Variants in CKAP5 observed in about 807,000 individuals in gnomAD.
The protein encoded by CKAP5 is cytoskeleton-associated protein 5.
Under a neutral mutation model 232.8 loss-of-function variants are expected in CKAP5, and 27 were observed. The ratio of observed to expected loss-of-function variants is 0.12; its 90% confidence interval spans 0.09 to 0.16. The LOEUF (loss-of-function observed/expected upper bound fraction) is 0.16, where lower values mean the gene tolerates loss of function less well. CKAP5 is among the 10% of genes least tolerant of loss of function. The pLI, the probability that CKAP5 is intolerant of heterozygous loss-of-function variation, is 1.00. For synonymous variants in CKAP5, 785 were observed against 841.1 expected, an observed-to-expected ratio of 0.93 and a Z score of 1.16; for missense variants, 1,838 against 2,424.7, an observed-to-expected ratio of 0.76 and a Z score of 5.08.
chr11:46,821,334 C>G (rs1939519891), intron 1 of CKAP5, 66 bp from the exon 2 acceptor site: 2 of 693,672 alleles, frequency 2.9e-6, no homozygotes, highest in Admixed American at 2.5e-5. Flanking sequence ...AATAACTTTT[C>G]TGAGATTATT....
At position 46,762,958 on chromosome 11, in the gene CKAP5, G is replaced by C. The variant is rs1030281709; in HGVS notation, c.3891+18C>G. ...CTGGGAACTTAAGCAGTCTCCCAGA[G>C]AGAGAACACCACATTACCTTGACGA... On this transcript the variant is annotated intron_variant, in intron 30 of 43. Coordinates refer to ENST00000529230, the MANE Select transcript of CKAP5 (RefSeq NM_001008938.4). 2 of 1,604,918 alleles carry C rather than the reference G, an allele frequency of 1.2e-6. No homozygotes were observed. Among genetic ancestry groups the C allele is most frequent in the Middle Eastern group, 1.7e-4 (1 of 6,042 alleles).
chr11:46,748,216 G>C (rs2065036536), intron 42 of CKAP5, among the ~76,000 whole-genome samples: 1 of 152,074 alleles, frequency 6.6e-6, no homozygotes, highest in Non-Finnish European at 1.5e-5. Context: ...TTTCATTAGA[G>C]TCATTCTGAT....
intron 8 of CKAP5, among the ~76,000 whole-genome samples, chr11:46,803,253 G>A (rs534226368): frequency 1.3e-5 from 2 of 151,980 alleles, no homozygotes; most frequent in East Asian, 1.9e-4. Context: ...GACAGAGCGA[G>A]ACACTATCTC....
chr11:46,785,896 G>A (rs2065388035), intron 16 of CKAP5, among the ~76,000 whole-genome samples: 1 of 152,120 alleles, frequency 6.6e-6, no homozygotes, highest in South Asian at 2.1e-4. Context: ...AGAGAGACAT[G>A]TTGACACCAC....
chr11:46,744,016 G>C lies in CKAP5; in HGVS notation c.*7C>G. Reference sequence around the variant, plus strand: ...AAGCTGCAGGGTGCCGGGGGAGTGGGGCAGCTTCATTTGCGACTGCTCTTT... The same window carrying C: ...AAGCTGCAGGGTGCCGGGGGAGTGGCGCAGCTTCATTTGCGACTGCTCTTT... On this transcript the variant is annotated 3_prime_UTR_variant, in exon 44 of 44. Transcript: ENST00000529230. 1 of 1,612,168 alleles carries C rather than the reference G, an allele frequency of 6.2e-7. No individual in the cohort carries two copies. The highest frequency in any genetic ancestry group is 8.5e-7 in the Non-Finnish European group (1 of 1,179,910).
At position 46,811,193 on chromosome 11, in the gene CKAP5, T is replaced by C; in HGVS notation, c.459-15A>G. The C allele has an allele frequency of 6.2e-7, 1 of 1,608,404 alleles. No individual in the cohort carries two copies. Among genetic ancestry groups the C allele is most frequent in the Non-Finnish European group, 8.5e-7 (1 of 1,177,032 alleles). The stretch of plus-strand genomic sequence containing the variant: ...AACCAAATTCACTACAAGTAAAAAA[T>C]TGGGAAAAAACTGTCAACGTGCAAT... On this transcript the variant is annotated splice_polypyrimidine_tract_variant and intron_variant, in intron 4 of 43. Coordinates refer to ENST00000529230, the MANE Select transcript of CKAP5 (RefSeq NM_001008938.4).
At chr11:46,761,963 T>C (rs1202734159) in intron 32 of CKAP5, 37 bp downstream of exon 32, 1 of 1,544,798 alleles carries the variant, frequency 6.5e-7, no homozygotes, top group Non-Finnish European at 8.9e-7. Flanking sequence ...GCAATTCTTT[T>C]CACGACATGC....
intron 4 of CKAP5, among the ~76,000 whole-genome samples, chr11:46,811,625 C>G (rs911769269): frequency 6.6e-6 from 1 of 152,018 alleles, no homozygotes; most frequent in Non-Finnish European, 1.5e-5. Flanking sequence ...TACAGGCATG[C>G]GCCACCACGC....
chr11:46,803,789 T>C (rs552212334), intron 8 of CKAP5, among the ~76,000 whole-genome samples: 1 of 152,310 alleles, frequency 6.6e-6, no homozygotes, highest in African/African-American at 2.4e-5. Context: ...CTAATTACTG[T>C]AAGTCTATGA....
intron 3 of CKAP5, 100 bp from the exon 4 acceptor site, chr11:46,816,504 A>G: frequency 1.3e-6 from 1 of 790,472 alleles, no homozygotes; most frequent in Non-Finnish European, 2.1e-6. Context: ...AATGCTAGAA[A>G]TACAGTAAAT....
chr11:46,833,679 G>A (rs1044284813), intron 1 of CKAP5, among the ~76,000 whole-genome samples: 16 of 151,092 alleles, frequency 1.1e-4, no homozygotes, highest in Non-Finnish European at 2.1e-4. Flanking sequence ...GGGTTTCACC[G>A]TGCTAGCCAG....
chr11:46,759,173 T>C, intron 34 of CKAP5, 96 bp downstream of exon 34: 1 of 1,510,016 alleles, frequency 6.6e-7, no homozygotes, highest in Non-Finnish European at 9.0e-7. Context: ...TAATCAGTTC[T>C]AAAAAGTTTT....
At chr11:46,781,480 C>T (rs2065341554) in intron 18 of CKAP5, among the ~76,000 whole-genome samples, 1 of 152,200 alleles carries the variant, frequency 6.6e-6, no homozygotes, top group South Asian at 2.1e-4. Flanking sequence ...TGAGGCCCCA[C>T]ATGACCTAGC....
intron 1 of CKAP5, among the ~76,000 whole-genome samples, chr11:46,845,456 C>A (rs1940163835): frequency 6.6e-6 from 1 of 152,224 alleles, no homozygotes; most frequent in South Asian, 2.1e-4. Context: ...TCATCATTTT[C>A]TATCCAAGAA....
intron 42 of CKAP5, among the ~76,000 whole-genome samples, chr11:46,749,952 G>A (rs2065051246): frequency 1.3e-5 from 2 of 150,970 alleles, no homozygotes; most frequent in Non-Finnish European, 2.9e-5. Context: ...AAAGAGGTCA[G>A]AGCAAGTGAG....
rs898155276 is a variant in CKAP5, at chr11:46,752,551, T to G, written c.5133+84A>C. The G allele has an allele frequency of 3.9e-6, 4 of 1,019,076 alleles. No homozygotes were observed. The African/African-American group carries it at 6.5e-5, about 17-fold the overall frequency. 63.1% of individuals were successfully genotyped at this position (1,019,076 alleles called of 1,614,324 possible). ...TGGTTGATTTGAGCCTATGTCTTTC[T>G]TAGCTCCAATTCCTCTTTCCCCATA... On this transcript the variant is annotated intron_variant, in intron 38 of 43. Coordinates refer to ENST00000529230, the MANE Select transcript of CKAP5 (RefSeq NM_001008938.4).
intron 16 of CKAP5, among the ~76,000 whole-genome samples, chr11:46,788,175 T>G (rs1408346595): frequency 6.6e-6 from 1 of 152,218 alleles, no homozygotes; most frequent in Admixed American, 6.5e-5. Flanking sequence ...GAGTTATATG[T>G]GAAGTTTCAA....
At chr11:46,823,712 C>T (rs1939594330) in intron 1 of CKAP5, among the ~76,000 whole-genome samples, 2 of 152,178 alleles carry the variant, frequency 1.3e-5, no homozygotes, top group African/African-American at 4.8e-5. Context: ...CCTCCGCCTC[C>T]CGGGTTCAAG....
intron 1 of CKAP5, among the ~76,000 whole-genome samples, chr11:46,840,391 G>A (rs1054601081): frequency 1.3e-5 from 2 of 152,104 alleles, no homozygotes; most frequent in Non-Finnish European, 2.9e-5. Flanking sequence ...CAGACATTAA[G>A]CATCAATCTC....
Sources: allele counts gnomAD v4.1 joint callset (sites outside exome capture counted in the v4.1 genomes callset), GRCh38; gene constraint gnomAD v4.1.1; transcripts MANE v1.5; gene names NCBI Gene and HGNC (gene_info 2026-07-23, HGNC 2026-07-21).